Variants in DCAF8L2 observed in about 807,000 individuals in gnomAD.
DCAF8L2 encodes the protein DDB1- and CUL4-associated factor 8-like protein 2.
For synonymous variants in DCAF8L2, 200 were observed against 190.9 expected (o/e 1.05, Z -0.39); for missense variants, 430 against 490.7 (o/e 0.88, Z 1.17).
At chrX:27,544,473 C>T in the DCAF8L2 span, among the ~76,000 whole-genome samples, 1 of 111,848 alleles carries the variant, frequency 8.9e-6, no homozygotes, top group African/African-American at 3.2e-5. Context: ...GACTTAACAT[C>T]TTGAAGTTTG....
chrX:27,587,985 A>AATATATATATATATATAT (rs202098791), upstream of DCAF8L2, among the ~76,000 whole-genome samples: 4 of 22,344 alleles, frequency 1.8e-4, no homozygotes, highest in Non-Finnish European at 2.3e-4. Context: ...TAAAAAAAAA[A>AATATATATATATATATAT]ATATATATAT....
chrX:27,629,231 T>C (rs1298508014), intron 1 of DCAF8L2, among the ~76,000 whole-genome samples: 1 of 111,563 alleles, frequency 9.0e-6, no homozygotes, highest in African/African-American at 3.3e-5. Flanking sequence ...CACTTGTCTA[T>C]TTTTCCTTTT....
chrX:27,473,192 A>G, the DCAF8L2 span, among the ~76,000 whole-genome samples: 3 of 112,395 alleles, frequency 2.7e-5, no homozygotes, highest in East Asian at 8.4e-4. Flanking sequence ...TTGTATGTGA[A>G]AAACCATTTC....
At chrX:27,515,389 A>G in the DCAF8L2 span, among the ~76,000 whole-genome samples, 1 of 111,929 alleles carries the variant, frequency 8.9e-6, no homozygotes, top group African/African-American at 3.3e-5. Context: ...GAAAATCCAT[A>G]TTGCAATTAG....
Position 27,658,409 on chromosome X carries a change from T to C in DCAF8L2, c.-219-19427T>C, listed in dbSNP as rs9887222. Among the ~76,000 whole-genome samples the C allele has an allele frequency of 5.0e-3, 558 of 112,177 alleles. 3 individuals are homozygous for C. The highest frequency in any genetic ancestry group is 0.017 in the African/African-American group (534 of 30,927). ...AATTTGGGGGTAAGATTAGTAGCCA[T>C]AGAAATTGAAATACTAAAATTTCAA... On this transcript the variant is annotated intron_variant, in intron 2 of 4. Coordinates refer to ENST00000451261, the MANE Select transcript of DCAF8L2 (RefSeq NM_001353450.2).
chrX:27,633,279 A>G (rs896219459), intron 2 of DCAF8L2: 23 of 112,401 alleles, frequency 2.0e-4, no homozygotes, highest in African/African-American at 6.5e-4. Context: ...GAGAAAAATT[A>G]TAATTTTCTT....
chrX:27,680,522 G>T (rs192115955), intron 3 of DCAF8L2, among the ~76,000 whole-genome samples: 189 of 111,793 alleles, frequency 1.7e-3, no homozygotes, highest in African/African-American at 6.1e-3. Flanking sequence ...ACTGAAAATT[G>T]TATTCACTGA....
At chrX:27,553,628 G>C in the DCAF8L2 span, among the ~76,000 whole-genome samples, 1 of 110,780 alleles carries the variant, frequency 9.0e-6, no homozygotes, top group Admixed American at 9.7e-5. Flanking sequence ...TTCACATAAA[G>C]TCTATGCCTG....
At chrX:27,574,744 T>C in the DCAF8L2 span, among the ~76,000 whole-genome samples, 1 of 111,484 alleles carries the variant, frequency 9.0e-6, no homozygotes, top group Non-Finnish European at 1.9e-5. Context: ...CTCTCGCAGG[T>C]GTGCGATGGG....
chrX:27,665,025 C>T (rs914328949), intron 2 of DCAF8L2, among the ~76,000 whole-genome samples: 2 of 110,983 alleles, frequency 1.8e-5, no homozygotes, highest in African/African-American at 6.5e-5. Flanking sequence ...ACCCATTCTG[C>T]AGCCTATAGA....
At chrX:27,738,962 C>A (rs747441165) in intron 4 of DCAF8L2, among the ~76,000 whole-genome samples, 2 of 111,288 alleles carry the variant, frequency 1.8e-5, no homozygotes, top group South Asian at 7.6e-4. Context: ...CCTGCTACAA[C>A]CCCTCCACCT....
rs1474735358 is a variant in DCAF8L2 at position 27,725,224 on chromosome X, T to C, written c.-59+9053T>C. On this transcript the variant is annotated intron_variant, in intron 4 of 4. Coordinates refer to ENST00000451261, the MANE Select transcript of DCAF8L2 (RefSeq NM_001353450.2). ...CTGAATCTTTCAGCATGCAGCTCTG[T>C]AAGATTCATCCCCAGTGATGGTTAC... Among the ~76,000 whole-genome samples, 8 of 111,192 alleles carry C rather than the reference T, an allele frequency of 7.2e-5. No individual in the cohort carries two copies. The Admixed American group carries it at 7.7e-4, about 11-fold the overall frequency.
chrX:27,683,692 G>A (rs973426246), intron 3 of DCAF8L2, among the ~76,000 whole-genome samples: 1 of 112,239 alleles, frequency 8.9e-6, no homozygotes, highest in African/African-American at 3.2e-5. Context: ...ACATCTGGGA[G>A]TTGATATGCT....
chrX:27,606,338 G>GAA (rs1926888198), intron 1 of DCAF8L2, among the ~76,000 whole-genome samples: 1 of 36,257 alleles, frequency 2.8e-5, no homozygotes, highest in Non-Finnish European at 4.7e-5. Flanking sequence ...ATATATATAG[G>GAA]AATTATATAT....
upstream of DCAF8L2, among the ~76,000 whole-genome samples, chrX:27,587,768 A>G (rs1925931370): frequency 1.8e-5 from 2 of 110,153 alleles, no homozygotes; most frequent in African/African-American, 3.3e-5. Context: ...GGTTAAAATA[A>G]GAAGTAGTTT....
Position 27,748,956 on chromosome X carries a change from CCTTT to C in DCAF8L2, c.*173_*176del, listed in dbSNP as rs1205262332. 5.1e-5 allele frequency: 32 copies of C among 625,352 alleles called. No individual in the cohort carries two copies. In the African/African-American group the frequency reaches 6.5e-4, roughly 13 times the overall value. The allele number at this position is 625,352 out of a possible 1,213,427, so 51.5% of individuals were successfully genotyped here. ...TCTTCCATTCCTTCCTCTCTACTTTCCTTTCTTTCTTCCACACATTCTTTCTCTC... is the reference window on the plus strand; with the variant it reads ...TCTTCCATTCCTTCCTCTCTACTTTCCTTTCTTCCACACATTCTTTCTCTC... On this transcript the variant is annotated 3_prime_UTR_variant, in exon 5 of 5. Transcript: ENST00000451261.
chrX:27,492,137 G>A, the DCAF8L2 span, among the ~76,000 whole-genome samples: 1 of 112,286 alleles, frequency 8.9e-6, no homozygotes, highest in Non-Finnish European at 1.9e-5. Context: ...TTTCTGGACA[G>A]TTCTTCTAAA....
At chrX:27,725,706 T>G (rs1316934970) in intron 4 of DCAF8L2, among the ~76,000 whole-genome samples, 2 of 102,146 alleles carry the variant, frequency 2.0e-5, no homozygotes, top group African/African-American at 6.8e-5. Context: ...ACAAGTAGAA[T>G]AATATAACTT....
chrX:27,679,804 C>T (rs888123524), intron 3 of DCAF8L2, among the ~76,000 whole-genome samples: 1 of 111,517 alleles, frequency 9.0e-6, no homozygotes, highest in Non-Finnish European at 1.9e-5. Context: ...GATCAGTTGG[C>T]AAAGTTATTT....
Sources: allele counts gnomAD v4.1 joint callset (sites outside exome capture counted in the v4.1 genomes callset), GRCh38; gene constraint gnomAD v4.1.1; transcripts MANE v1.5; gene names NCBI Gene and HGNC (gene_info 2026-07-23, HGNC 2026-07-21).